The following ASB4 variants were observed in gnomAD, a reference collection of about 807,000 sequenced individuals.
ASB4 encodes the protein ankyrin repeat and SOCS box containing 4, also known as ankyrin repeat and SOCS box protein 4.
A neutral mutation model predicts 38.6 loss-of-function variants in ASB4; 35 were observed. The observed-to-expected ratio is 0.91, with a 90% CI of 0.69 to 1.20. ASB4 has a LOEUF of 1.20. Among genes scored for constraint, ASB4 ranks in the 50% most tolerant of loss-of-function variants. The pLI is 0.00. For synonymous variants in ASB4, 195 were observed against 201.3 expected (o/e 0.97, Z 0.26); for missense variants, 557 against 527.2 (o/e 1.06, Z -0.55).
At chr7:95,525,412 C>G (rs1269842158) in intron 2 of ASB4, among the ~76,000 whole-genome samples, 1 of 152,066 alleles carries the variant, frequency 6.6e-6, no homozygotes, top group African/African-American at 2.4e-5. Context: ...ATCACAAAAT[C>G]TAAAATAAAA....
Position 95,492,171 on chromosome 7 carries a change from A to G in ASB4, c.188-3587A>G, listed in dbSNP as rs972376763. On this transcript the variant is annotated intron_variant, in intron 1 of 4. Transcript: ENST00000325885. Reference sequence around the variant, plus strand: ...GAATTCCAGGACCTTGTAGTCTGTGAGCCTGATTGACCAGATAATGTTTAT... The same window carrying G: ...GAATTCCAGGACCTTGTAGTCTGTGGGCCTGATTGACCAGATAATGTTTAT... Among the ~76,000 whole-genome samples the G allele has an allele frequency of 2.6e-5, 4 of 152,160 alleles. No individual in the cohort carries two copies. In the South Asian group the frequency reaches 8.3e-4, roughly 32 times the overall value.
At chr7:95,547,273 A>C in the ASB4 span, among the ~76,000 whole-genome samples, 4 of 152,220 alleles carry the variant, frequency 2.6e-5, no homozygotes, top group Non-Finnish European at 5.9e-5. Context: ...GAATATCTTC[A>C]TGTATTCTTT....
At chr7:95,551,222 C>T in the ASB4 span, among the ~76,000 whole-genome samples, 3 of 152,182 alleles carry the variant, frequency 2.0e-5, no homozygotes, top group African/African-American at 7.2e-5. Flanking sequence ...CTCGGGACAT[C>T]CACTCGGCTT....
intron 1 of ASB4, chr7:95,478,671 A>C (rs981354772): frequency 1.3e-5 from 2 of 152,184 alleles, no homozygotes; most frequent in Admixed American, 1.3e-4. Context: ...TATGGGATCC[A>C]AGAAGTGGGC....
At chr7:95,495,349 C>G (rs1248076178) in intron 1 of ASB4, among the ~76,000 whole-genome samples, 1 of 152,100 alleles carries the variant, frequency 6.6e-6, no homozygotes, top group Non-Finnish European at 1.5e-5. Context: ...TGGAATCATT[C>G]AAGACAAACT....
intron 2 of ASB4, among the ~76,000 whole-genome samples, chr7:95,520,052 A>G (rs1790639248): frequency 6.6e-6 from 1 of 152,224 alleles, no homozygotes; most frequent in Non-Finnish European, 1.5e-5. Context: ...GGTAAAATTA[A>G]CAAAAACATC....
chr7:95,474,725 A>G (rs886773739), upstream of ASB4, among the ~76,000 whole-genome samples: 1 of 152,088 alleles, frequency 6.6e-6, no homozygotes, highest in East Asian at 1.9e-4. Flanking sequence ...GGGTGTCACC[A>G]TGTTGTCTAG....
chr7:95,491,668 T>C (rs944663126), intron 1 of ASB4, among the ~76,000 whole-genome samples: 2 of 152,254 alleles, frequency 1.3e-5, no homozygotes, highest in African/African-American at 4.8e-5. Flanking sequence ...GGACAAATTC[T>C]GATCTCTTGA....
the ASB4 span, among the ~76,000 whole-genome samples, chr7:95,546,831 G>A: frequency 6.6e-6 from 1 of 152,194 alleles, no homozygotes; most frequent in African/African-American, 2.4e-5. Context: ...GAGAAGCATA[G>A]AATTTTGCCA....
intron 1 of ASB4, among the ~76,000 whole-genome samples, chr7:95,479,615 T>G (rs567946132): frequency 2.7e-4 from 41 of 152,170 alleles, no homozygotes; most frequent in Non-Finnish European, 4.6e-4. Context: ...TGTTAAATAT[T>G]GAATATCCAC....
At chr7:95,493,979 G>A (rs1367087708) in intron 1 of ASB4, among the ~76,000 whole-genome samples, 1 of 152,186 alleles carries the variant, frequency 6.6e-6, no homozygotes, top group African/African-American at 2.4e-5. Flanking sequence ...TGTAGTGCAT[G>A]TTCTTGTATG....
chr7:95,510,917 C>G (rs1323022391), intron 2 of ASB4, among the ~76,000 whole-genome samples: 1 of 152,150 alleles, frequency 6.6e-6, no homozygotes, highest in East Asian at 1.9e-4. Context: ...TTGTTTCTTA[C>G]TTAGGGGAGC....
upstream of ASB4, among the ~76,000 whole-genome samples, chr7:95,475,680 G>C (rs555053805): frequency 6.6e-6 from 1 of 152,066 alleles, no homozygotes; most frequent in Non-Finnish European, 1.5e-5. Context: ...CACCGTGCCC[G>C]GCCTTGAATT....
chr7:95,491,793 T>A (rs1790174918), intron 1 of ASB4, among the ~76,000 whole-genome samples: 2 of 152,190 alleles, frequency 1.3e-5, no homozygotes, highest in Admixed American at 1.3e-4. Context: ...CTTCCACACT[T>A]GCTACACAGT....
chr7:95,536,085 G>A (rs112930653), intron 3 of ASB4, among the ~76,000 whole-genome samples: 42 of 152,280 alleles, frequency 2.8e-4, no homozygotes, highest in Admixed American at 3.9e-4. Flanking sequence ...ACTTGCTCGT[G>A]GAAGGTGAAA....
the ASB4 span, chr7:95,472,189 G>A: frequency 6.6e-6 from 1 of 151,354 alleles, no homozygotes; most frequent in South Asian, 2.1e-4. Flanking sequence ...TGAAGGAATT[G>A]GGTTAACAAG....
intron 4 of ASB4, 115 bp downstream of exon 4, chr7:95,536,665 T>A: frequency 1.7e-6 from 1 of 599,736 alleles, no homozygotes; most frequent in Admixed American, 3.0e-5. Flanking sequence ...TAAAGCGTAC[T>A]CAAATGCAAT....
the ASB4 span, among the ~76,000 whole-genome samples, chr7:95,549,301 A>ATTTTTTTTTTTTTTTTT: frequency 2.5e-3 from 287 of 114,806 alleles, 29 homozygotes; most frequent in African/African-American, 6.7e-3. Context: ...AGGAGACTCC[A>ATTTTTTTTTTTTTTTTT]TTTTTTTTTT....
At chr7:95,514,764 G>A (rs990529808) in intron 2 of ASB4, among the ~76,000 whole-genome samples, 1 of 152,104 alleles carries the variant, frequency 6.6e-6, no homozygotes, top group African/African-American at 2.4e-5. Context: ...GACTACACAC[G>A]GGAAGATAAT....
Sources: allele counts gnomAD v4.1 joint callset (sites outside exome capture counted in the v4.1 genomes callset), GRCh38; gene constraint gnomAD v4.1.1; transcripts MANE v1.5; gene names NCBI Gene and HGNC (gene_info 2026-07-23, HGNC 2026-07-21).